LPAR6: variants seen among roughly 807,000 people sequenced by gnomAD.
LPAR6 encodes G-protein coupled purinergic receptor P2Y5.
In LPAR6, 17 loss-of-function variants were observed where a neutral mutation model predicts 22.0. The ratio of observed to expected loss-of-function variants is 0.77; its 90% confidence interval spans 0.53 to 1.16. LPAR6 has a LOEUF of 1.16. Ranked by LOEUF, LPAR6 falls within the 50% of genes most tolerant of loss-of-function variation. The pLI is 0.00. For missense variants in LPAR6, 384 were observed against 406.9 expected, an observed-to-expected ratio of 0.94 and a Z score of 0.48; for synonymous variants, 136 against 139.8, an observed-to-expected ratio of 0.97 and a Z score of 0.19.
intron 1 of LPAR6, among the ~76,000 whole-genome samples, chr13:48,434,026 A>G (rs1037538234): frequency 6.6e-6 from 1 of 152,014 alleles, no homozygotes; most frequent in Non-Finnish European, 1.5e-5. Context: ...GCCTGGCCTC[A>G]ATATTTATTT....
chr13:48,399,385 C>T (rs1056759896), intron 1 of LPAR6, among the ~76,000 whole-genome samples: 12 of 151,796 alleles, frequency 7.9e-5, no homozygotes, highest in Non-Finnish European at 1.5e-4. Flanking sequence ...TGCTAGTGAA[C>T]TAATAATCTA....
At chr13:48,409,363 G>T (rs1442765879), downstream of LPAR6, among the ~76,000 whole-genome samples, 3 of 151,610 alleles carry the variant, frequency 2.0e-5, no homozygotes, top group Non-Finnish European at 4.4e-5. Context: ...GCAAATGATT[G>T]TGATTTTTCT....
At chr13:48,419,185 T>G (rs1266390776) in intron 2 of LPAR6, among the ~76,000 whole-genome samples, 1 of 152,116 alleles carries the variant, frequency 6.6e-6, no homozygotes, top group Non-Finnish European at 1.5e-5. Context: ...CATAACACAG[T>G]CTCTGAGACC....
intron 1 of LPAR6, among the ~76,000 whole-genome samples, chr13:48,424,775 A>G (rs1322685164): frequency 4.6e-5 from 7 of 152,168 alleles, no homozygotes; most frequent in South Asian, 2.1e-4. Context: ...AAACAAGGCC[A>G]TGTGTGGTGG....
At chr13:48,397,387 C>A (rs1948656949) in intron 1 of LPAR6, among the ~76,000 whole-genome samples, 1 of 151,936 alleles carries the variant, frequency 6.6e-6, no homozygotes, top group African/African-American at 2.4e-5. Context: ...AGCAAACTAA[C>A]CAGGAAGAGA....
intron 1 of LPAR6, among the ~76,000 whole-genome samples, chr13:48,399,468 C>A (rs1039224073): frequency 6.6e-6 from 1 of 151,936 alleles, no homozygotes; most frequent in Non-Finnish European, 1.5e-5. Context: ...TATGAATAAT[C>A]ATCCACTGAA....
rs1018333580 is a variant in LPAR6, at chr13:48,412,711, T to C, written c.-288A>G. 8.6e-6 allele frequency: 4 copies of C among 463,112 alleles called. No individual in the cohort carries two copies. The Admixed American group carries it at 1.4e-4, about 17-fold the overall frequency. The allele number at this position is 463,112 out of a possible 1,614,324, so 28.7% of individuals were successfully genotyped here. ...TAACTGACGAGCAACCTTTAAAAAATACAGTCAACGAGTCCAACCCATAGG... is the reference window on the plus strand; with the variant it reads ...TAACTGACGAGCAACCTTTAAAAAACACAGTCAACGAGTCCAACCCATAGG... On this transcript the variant is annotated 5_prime_UTR_variant, in exon 1 of 1. Coordinates refer to ENST00000620633, the MANE Select transcript of LPAR6 (RefSeq NM_001162498.3).
intron 1 of LPAR6, among the ~76,000 whole-genome samples, chr13:48,437,484 A>C (rs771977656): frequency 2.6e-5 from 4 of 152,180 alleles, no homozygotes; most frequent in Non-Finnish European, 5.9e-5. Context: ...TTACTGTGTG[A>C]TTTTGACTCA....
At chr13:48,426,704 G>T (rs1949084466) in intron 1 of LPAR6, 2 of 152,176 alleles carry the variant, frequency 1.3e-5, no homozygotes, top group Non-Finnish European at 2.9e-5. Flanking sequence ...TCGAATCCTA[G>T]TTTCTTGACT....
At chr13:48,443,561 A>G (rs1949258681) in intron 1 of LPAR6, among the ~76,000 whole-genome samples, 1 of 152,216 alleles carries the variant, frequency 6.6e-6, no homozygotes, top group Admixed American at 6.5e-5. Context: ...ACATTCAAAT[A>G]AAACCTTTTA....
In LPAR6 at chr13:48,412,071, A is replaced by C. The variant is rs1566212438; in HGVS notation, c.353T>G (p.Ile118Ser). Reference protein sequence around the residue: ...TCISVDRFLAIVYPFKSKTLR... With the variant: ...TCISVDRFLASVYPFKSKTLR... ...AGTCTTTGACTTAAATGGGTAGACA[A>C]TTGCCAGAAATCGATCTACACTAAT... Residue 118 changes from isoleucine (I) to serine (S), a missense_variant, in exon 1 of 1, where the codon ATT becomes AGT. By Grantham distance (142) the Ile-to-Ser change is moderately radical (BLOSUM62 -2). Transcript: ENST00000620633. The C allele has an allele frequency of 2.6e-6, 4 of 1,558,602 alleles. No individual in the cohort carries two copies. Among genetic ancestry groups the C allele is most frequent in the South Asian group, 1.2e-5 (1 of 84,786 alleles).
intron 1 of LPAR6, among the ~76,000 whole-genome samples, chr13:48,393,412 A>T (rs1948625455): frequency 6.6e-6 from 1 of 152,192 alleles, no homozygotes; most frequent in Non-Finnish European, 1.5e-5. Flanking sequence ...CCAGGCAGTA[A>T]GCTGTGGCAA....
chr13:48,426,067 G>T (rs1343686137), intron 1 of LPAR6, among the ~76,000 whole-genome samples: 3 of 152,126 alleles, frequency 2.0e-5, no homozygotes, highest in African/African-American at 4.8e-5. Context: ...AAAGCACTGT[G>T]ACCTAGAGAT....
In LPAR6 at chr13:48,432,809, C is replaced by G. The variant is rs547364275; in HGVS notation, c.-1473-8690G>C. 8.6e-5 allele frequency among the ~76,000 whole-genome samples: 13 copies of G among 151,958 alleles called. No individual in the cohort carries two copies. In the South Asian group the frequency reaches 2.5e-3, roughly 29 times the overall value. Reference sequence around the variant, plus strand: ...AATTTATAATATAGGAGAGATATTACTATTAAGGCTCTTGAAAAGCAATTA... The same window carrying G: ...AATTTATAATATAGGAGAGATATTAGTATTAAGGCTCTTGAAAAGCAATTA... On this transcript the variant is annotated intron_variant, in intron 1 of 6. Transcript: ENST00000378434.
At chr13:48,397,207 C>T (rs1948655507) in intron 1 of LPAR6, among the ~76,000 whole-genome samples, 1 of 152,120 alleles carries the variant, frequency 6.6e-6, no homozygotes, top group Non-Finnish European at 1.5e-5. Flanking sequence ...ATGTTTATTG[C>T]AGCACTATTC....
intron 1 of LPAR6, among the ~76,000 whole-genome samples, chr13:48,402,379 CT>C (rs545934425): frequency 0.012 from 1,512 of 125,732 alleles, 44 homozygotes; most frequent in African/African-American, 0.04. Context: ...TGTAGAAAAC[CT>C]TTTTTTTTTT....
Position 48,436,791 on chromosome 13 carries a change from T to C in LPAR6, c.-1474+7762A>G, listed in dbSNP as rs114961188. Among the ~76,000 whole-genome samples, 441 of 152,354 alleles carry C rather than the reference T, an allele frequency of 2.9e-3. 2 individuals are homozygous for C. The highest frequency in any genetic ancestry group is 9.5e-3 in the African/African-American group (395 of 41,572). On this transcript the variant is annotated intron_variant, in intron 1 of 6. Coordinates refer to the LPAR6 transcript ENST00000378434. The stretch of plus-strand genomic sequence containing the variant: ...GCCAAAATTCTTCTATTTTCTATTC[T>C]AGTTTCCTCTTGCGAGGCAAAACAG...
At chr13:48,428,863 A>G (rs1949102610), upstream of LPAR6, among the ~76,000 whole-genome samples, 1 of 152,226 alleles carries the variant, frequency 6.6e-6, no homozygotes, top group African/African-American at 2.4e-5. Flanking sequence ...TCCAGCATAG[A>G]TTATTATCAG....
At chr13:48,415,962 G>C (rs1222591030), upstream of LPAR6, 1 of 152,168 alleles carries the variant, frequency 6.6e-6, no homozygotes, top group African/African-American at 2.4e-5. Flanking sequence ...GCAAAGGGAG[G>C]TAATGAATCC....
Sources: allele counts gnomAD v4.1 joint callset (sites outside exome capture counted in the v4.1 genomes callset), GRCh38; gene constraint gnomAD v4.1.1; transcripts MANE v1.5; gene names NCBI Gene and HGNC (gene_info 2026-07-23, HGNC 2026-07-21).